Variants in COL4A2 observed in about 807,000 individuals in gnomAD.
COL4A2 encodes the protein collagen alpha-2(IV) chain.
A neutral mutation model predicts 200.2 loss-of-function variants in COL4A2; 99 were observed. The observed-to-expected ratio is 0.49, with a 90% confidence interval of 0.42 to 0.58. The LOEUF is 0.58. Ranked by LOEUF, COL4A2 falls within the 20% of genes least tolerant of loss-of-function variation. The probability of loss-of-function intolerance (pLI) is 0.00; values close to 1 mark genes in which losing one functional copy is unlikely to be tolerated. For missense variants in COL4A2, 1,950 were observed against 2,314.1 expected (o/e 0.84, Z 3.23); for synonymous variants, 897 against 900.6 (o/e 1.00, Z 0.07).
chr13:110,457,733 GAA>G (rs765053183), intron 21 of COL4A2: 3 of 553,750 alleles, frequency 5.4e-6, no homozygotes, highest in Non-Finnish European at 1.1e-5. Context: ...GGTTAAAAGG[GAA>G]AACAGTTATT....
intron 24 of COL4A2, chr13:110,463,106 G>A (rs571226545): frequency 6.5e-6 from 1 of 154,636 alleles, no homozygotes; most frequent in South Asian, 2.0e-4. Flanking sequence ...AGAAATGTAT[G>A]GTCTCACAGC....
At chr13:110,511,294 A>G (rs768481474) in intron 47 of COL4A2, among the ~76,000 whole-genome samples, 10 of 152,130 alleles carry the variant, frequency 6.6e-5, no homozygotes, top group Non-Finnish European at 1.2e-4. Flanking sequence ...CCTCAGAATC[A>G]ACTATTTAAC....
chr13:110,449,779 CGGA>C lies in COL4A2; in HGVS notation c.1181_1183del (p.Gly394del). The C allele has an allele frequency of 6.5e-7, 1 of 1,547,790 alleles. No individual in the cohort carries two copies. ...TCCCAGGTCCCCCTGGCCTCTCCAT[CGGA>C]GATGGAGGTAATGTGGCTTCATAAT... On this transcript the variant is annotated inframe_deletion, in exon 19 of 48. Transcript: ENST00000360467.
Position 110,466,301 on chromosome 13 carries a change from A to G in COL4A2, c.2038+239A>G, listed in dbSNP as rs571652881. On this transcript the variant is annotated intron_variant, in intron 26 of 47. Coordinates refer to ENST00000360467, the MANE Select transcript of COL4A2 (RefSeq NM_001846.4). ...TGTCAGAAATCCTTTTTCACTGGAAAGCACCAGTGCATTCCAACTCAGCTC... is the reference window on the plus strand; with the variant it reads ...TGTCAGAAATCCTTTTTCACTGGAAGGCACCAGTGCATTCCAACTCAGCTC... 6.5e-4 allele frequency among the ~76,000 whole-genome samples: 99 copies of G among 152,310 alleles called. 2 individuals are homozygous for G. The South Asian group carries it at 0.02, about 30-fold the overall frequency.
intron 25 of COL4A2, 49 bp downstream of exon 25, chr13:110,465,655 C>A: frequency 6.8e-7 from 1 of 1,478,798 alleles, no homozygotes; most frequent in Non-Finnish European, 9.2e-7. Context: ...AGACATTCCA[C>A]GCTTTCCTTT....
intron 4 of COL4A2, among the ~76,000 whole-genome samples, chr13:110,391,609 C>A (rs532866030): frequency 2.0e-5 from 3 of 152,242 alleles, no homozygotes; most frequent in Non-Finnish European, 2.9e-5. Context: ...ATTGGCTCTA[C>A]CGCTTACTAG....
chr13:110,425,898 G>A (rs902021189), intron 6 of COL4A2, among the ~76,000 whole-genome samples: 2 of 152,166 alleles, frequency 1.3e-5, no homozygotes, highest in African/African-American at 4.8e-5. Flanking sequence ...CCACCGTCGA[G>A]GAGACATCCG....
At position 110,458,884 on chromosome 13, in the gene COL4A2, G is replaced by A. The variant is rs1306100690; in HGVS notation, c.1546G>A (p.Asp516Asn). 6.2e-7 allele frequency: 1 copy of A among 1,609,088 alleles called. No homozygotes were observed. Among genetic ancestry groups the A allele is most frequent in the East Asian group, 2.2e-5 (1 of 44,734 alleles). ...GINGEPGRKGDRGDPGQHGLP... is the reference protein window; with the variant it reads ...GINGEPGRKGNRGDPGQHGLP... ...CAACGGGGAGCCGGGGAGGAAAGGG[G>A]ACAGAGGAGACCCCGGCCAACACGG... Residue 516 changes from aspartate (D) to asparagine (N), a missense_variant, in exon 22 of 48, where the codon GAC becomes AAC. By Grantham distance (23) the Asp-to-Asn change is conservative. This residue lies in a region of COL4A2 where 1,385 missense variants were observed against 1,720.5 expected (regional missense o/e 0.80). Coordinates refer to ENST00000360467, the MANE Select transcript of COL4A2 (RefSeq NM_001846.4).
At chr13:110,338,491 C>T (rs115635891) in intron 3 of COL4A2, among the ~76,000 whole-genome samples, 107 of 152,214 alleles carry the variant, frequency 7.0e-4, no homozygotes, top group African/African-American at 2.3e-3. Flanking sequence ...CTAGGGAGCC[C>T]GTTAAACCCA....
intron 18 of COL4A2, among the ~76,000 whole-genome samples, chr13:110,447,960 G>T (rs9559801): frequency 2.6e-5 from 4 of 152,032 alleles, no homozygotes; most frequent in African/African-American, 9.7e-5. Context: ...TGATCAAAAC[G>T]CAGGACAGAA....
At chr13:110,326,875 G>C (rs901747404) in intron 3 of COL4A2, among the ~76,000 whole-genome samples, 1 of 152,228 alleles carries the variant, frequency 6.6e-6, no homozygotes, top group Admixed American at 6.5e-5. Context: ...CACAGTCTCA[G>C]ATGGCAGTCA....
At position 110,330,547 on chromosome 13, in the gene COL4A2, T is replaced by C. The variant is rs560250649; in HGVS notation, c.99+22424T>C. Among the ~76,000 whole-genome samples, 3 of 152,316 alleles carry C rather than the reference T, an allele frequency of 2.0e-5. No homozygotes were observed. The South Asian group carries it at 6.2e-4, about 32-fold the overall frequency. ...AACTCTGAAAAGAGGATAAACCTCC[T>C]CAGGCCAGTATTTCTGGGATTCTGT... On this transcript the variant is annotated intron_variant, in intron 3 of 47. Transcript: ENST00000360467.
At position 110,397,478 on chromosome 13, in the gene COL4A2, A is replaced by G. The variant is rs561590122; in HGVS notation, c.181-27256A>G. Among the ~76,000 whole-genome samples, 15 of 152,320 alleles carry G rather than the reference A, an allele frequency of 9.8e-5. 1 individual carries two copies. In the South Asian group the frequency reaches 3.1e-3, roughly 32 times the overall value. ...CATTTCCACTTAGTGATGGATGCAC[A>G]TTTTTCCACTAATAAACATTTGAAC... On this transcript the variant is annotated intron_variant, in intron 4 of 47. Transcript: ENST00000360467.
chr13:110,317,069 G>GAC (rs1182051491), intron 3 of COL4A2, among the ~76,000 whole-genome samples: 2 of 149,970 alleles, frequency 1.3e-5, no homozygotes, highest in Admixed American at 1.3e-4. Flanking sequence ...GGCACACGTA[G>GAC]ACACACACAT....
chr13:110,436,242 C>A, intron 12 of COL4A2, 27 bp from the exon 13 acceptor site: 1 of 1,612,808 alleles, frequency 6.2e-7, no homozygotes, highest in Admixed American at 1.7e-5. Context: ...GATTTAAAGA[C>A]AACTGCTTTT....
chr13:110,450,646 G>T (rs1266862470), intron 20 of COL4A2, among the ~76,000 whole-genome samples, 192 bp downstream of exon 20: 1 of 152,232 alleles, frequency 6.6e-6, no homozygotes, highest in Non-Finnish European at 1.5e-5. Flanking sequence ...AGGAGCTGGG[G>T]ATGGAAGCTG....
chr13:110,501,649 C>A lies in COL4A2; in HGVS notation c.3761-19C>A. On this transcript the variant is annotated intron_variant, in intron 40 of 47. Coordinates refer to ENST00000360467, the MANE Select transcript of COL4A2 (RefSeq NM_001846.4). ...TGGGTGCTAACGCTGAAAATAATTT[C>A]TTCTGTTTTCATCCTAAGGGGAACG... is the stretch of plus-strand genomic sequence containing the variant. 1 of 1,592,596 alleles carries A rather than the reference C, an allele frequency of 6.3e-7. No homozygotes were observed.
chr13:110,446,961 G>A, intron 18 of COL4A2, 97 bp downstream of exon 18: 1 of 960,958 alleles, frequency 1.0e-6, no homozygotes. Flanking sequence ...GATATTCTAA[G>A]CAACCCTAAA....
chr13:110,363,781 T>G (rs1418246652), intron 4 of COL4A2, among the ~76,000 whole-genome samples: 1 of 152,200 alleles, frequency 6.6e-6, no homozygotes, highest in Non-Finnish European at 1.5e-5. Context: ...AAAATAAAAC[T>G]AAATCTTCCC....
Sources: gnomAD v4.1 joint callset for allele counts (sites outside exome capture counted in the v4.1 genomes callset) on GRCh38, gnomAD v4.1.1 for gene constraint, gnomAD v4.1.1 regional missense constraint, MANE v1.5 for transcripts, NCBI Gene and HGNC (gene_info 2026-07-23, HGNC 2026-07-21) for gene names.